Variants in LTBP1 observed in about 807,000 individuals in gnomAD.
LTBP1 encodes the protein latent-transforming growth factor beta-binding protein 1.
In LTBP1, 129 loss-of-function variants were observed where a neutral mutation model predicts 207.6. The ratio of observed to expected loss-of-function variants is 0.62; its 90% CI spans 0.54 to 0.72. The LOEUF is 0.72. LTBP1 is among the 30% of genes least tolerant of loss of function. The pLI, the probability that LTBP1 is intolerant of heterozygous loss-of-function variation, is 0.00. For missense variants in LTBP1, 2,281 were observed against 2,217.2 expected (o/e 1.03, Z -0.58); for synonymous variants, 963 against 833.7 (o/e 1.16, Z -2.67).
Position 33,246,695 on chromosome 2 carries a change from C to T in LTBP1, c.1999+2911C>T, listed in dbSNP as rs559832229. The stretch of plus-strand genomic sequence containing the variant: ...CCTGCACATGGTTATGGCCAAGGAA[C>T]AACGGGAAGCACTTTCTCTTCTTGA... On this transcript the variant is annotated intron_variant, in intron 10 of 33. Transcript: ENST00000404816. Among the ~76,000 whole-genome samples, 13 of 152,274 alleles carry T rather than the reference C, an allele frequency of 8.5e-5. No homozygotes were observed. The South Asian group carries it at 2.1e-3, about 24-fold the overall frequency.
At chr2:33,083,872 C>T (rs1005649788) in intron 3 of LTBP1, among the ~76,000 whole-genome samples, 13 of 152,180 alleles carry the variant, frequency 8.5e-5, no homozygotes, top group East Asian at 1.9e-4. Context: ...GACCACCTGA[C>T]GCACTGTCAA....
chr2:33,301,707 A>T, intron 22 of LTBP1, 63 bp downstream of exon 22: 1 of 1,413,172 alleles, frequency 7.1e-7, no homozygotes, highest in Non-Finnish European at 9.5e-7. Flanking sequence ...TCTGGGCATC[A>T]TCTCAGCCTT....
chr2:33,323,220 C>T (rs187343075), intron 24 of LTBP1, among the ~76,000 whole-genome samples: 7 of 152,156 alleles, frequency 4.6e-5, no homozygotes, highest in Admixed American at 3.3e-4. Context: ...AAAAAAAACC[C>T]GATTTTATAA....
intron 3 of LTBP1, among the ~76,000 whole-genome samples, chr2:33,071,224 C>G (rs1240282231): frequency 6.6e-6 from 1 of 152,182 alleles, no homozygotes. Context: ...GTCTTGGTTC[C>G]TCATGGCTTT....
At chr2:32,976,822 G>A (rs1348757227) in intron 2 of LTBP1, among the ~76,000 whole-genome samples, 1 of 152,228 alleles carries the variant, frequency 6.6e-6, no homozygotes, top group Admixed American at 6.5e-5. Flanking sequence ...TGACCTGAAA[G>A]TGAGGGCTCC....
At chr2:33,083,441 A>G (rs2078559091) in intron 3 of LTBP1, among the ~76,000 whole-genome samples, 1 of 152,080 alleles carries the variant, frequency 6.6e-6, no homozygotes, top group African/African-American at 2.4e-5. Context: ...TGGGAAGGTA[A>G]CAGGAAGCCT....
chr2:33,114,042 A>T (rs778282552), intron 4 of LTBP1, among the ~76,000 whole-genome samples: 1 of 152,144 alleles, frequency 6.6e-6, no homozygotes, highest in Non-Finnish European at 1.5e-5. Context: ...GGGTTTCACC[A>T]TGTTGGCCAG....
At chr2:33,348,887 G>T (rs182087657) in intron 26 of LTBP1, among the ~76,000 whole-genome samples, 1 of 152,270 alleles carries the variant, frequency 6.6e-6, no homozygotes, top group Admixed American at 6.5e-5. Context: ...ATAGCTCCTG[G>T]CAGCTTTTCC....
intron 4 of LTBP1, among the ~76,000 whole-genome samples, chr2:33,115,037 T>TATACAC (rs869158793): frequency 0.011 from 1,633 of 145,246 alleles, 10 homozygotes; most frequent in Non-Finnish European, 0.016. Context: ...AACAGATATA[T>TATACAC]ACACACACAC....
At chr2:33,306,537 T>G (rs1041818518) in intron 22 of LTBP1, among the ~76,000 whole-genome samples, 1 of 151,278 alleles carries the variant, frequency 6.6e-6, no homozygotes, top group Non-Finnish European at 1.5e-5. Context: ...GCCACTGTAC[T>G]CCGGCCTGGG....
Position 33,073,287 on chromosome 2 carries a change from T to TTG in LTBP1, c.864-37294_864-37293insGT, listed in dbSNP as rs1553394953. Among the ~76,000 whole-genome samples, 7 of 9,546 alleles carry TTG rather than the reference T, an allele frequency of 7.3e-4. No homozygotes were observed. The Admixed American group carries it at 0.024, about 32-fold the overall frequency. The allele number at this position is 9,546 out of a possible 152,430, so 6.3% of individuals were successfully genotyped here. A position where few individuals can be genotyped will look rare whatever the true frequency, so the allele number is the denominator to read the frequency against. Reference sequence around the variant, plus strand: ...GAATGATGTCACAGTGTTTTTTTTGTTTTTGTTTTTTTATTTTACCATGTA... The same window carrying TTG: ...GAATGATGTCACAGTGTTTTTTTTGTTGTTTTGTTTTTTTATTTTACCATGTA... On this transcript the variant is annotated intron_variant, in intron 3 of 33. Coordinates refer to ENST00000404816, the MANE Select transcript of LTBP1 (RefSeq NM_206943.4).
intron 3 of LTBP1, among the ~76,000 whole-genome samples, chr2:33,079,594 AGAAGGACCCATTTTTCCTTCTGT>A (rs968298477): frequency 1.3e-5 from 2 of 152,210 alleles, no homozygotes; most frequent in South Asian, 2.1e-4. Flanking sequence ...TTGTAGTAAT[AGAAGGACCCATTTTTCCTTCTGT>A]GAAGGACCCA....
chr2:33,137,159 C>T (rs1052117582), intron 5 of LTBP1, among the ~76,000 whole-genome samples: 9 of 152,014 alleles, frequency 5.9e-5, no homozygotes, highest in South Asian at 2.1e-4. Flanking sequence ...AATTCAAAAA[C>T]GTTTATGCAT....
chr2:33,064,248 A>C (rs1316445940), intron 3 of LTBP1, among the ~76,000 whole-genome samples: 1 of 152,226 alleles, frequency 6.6e-6, no homozygotes, highest in African/African-American at 2.4e-5. Context: ...ATTTATATTT[A>C]GTGACCTTGC....
chr2:33,280,107 C>T lies in LTBP1; in HGVS notation c.3061C>T (p.Gln1021Ter), dbSNP rs2093528883. 1 of 1,613,980 alleles carries T rather than the reference C, an allele frequency of 6.2e-7. No homozygotes were observed. Among genetic ancestry groups the T allele is most frequent in the African/African-American group, 1.3e-5 (1 of 74,926 alleles). ...GTGTGTGAATTCTCCTGGATCTTAC[C>T]AGTGCGTTCCCTGCACAGAAGGATT... ...EQCVNSPGSY[Q>*]CVPCTEGFRG... The change falls in exon 19 of 34, where the codon CAG (glutamine) becomes TAG (stop). Residue 1021 changes from glutamine (Q) to a stop codon, truncating the protein, a stop_gained. Transcript: ENST00000404816. LOFTEE classifies it high-confidence loss of function.
At chr2:33,279,942 G>A (rs1016946406) in intron 18 of LTBP1, 97 bp from the exon 19 acceptor site, 1 of 1,300,152 alleles carries the variant, frequency 7.7e-7, no homozygotes, top group African/African-American at 1.5e-5. Context: ...CTGAAATGTA[G>A]ATATAACATG....
At chr2:32,997,142 C>T (rs1266835469) in intron 2 of LTBP1, among the ~76,000 whole-genome samples, 1 of 152,112 alleles carries the variant, frequency 6.6e-6, no homozygotes, top group Non-Finnish European at 1.5e-5. Context: ...ACCTCGGCCT[C>T]CCAAGGTGCT....
At position 33,389,291 on chromosome 2, in the gene LTBP1, T is replaced by A. The variant is rs779455042; in HGVS notation, c.4819T>A (p.Tyr1607Asn). The A allele has an allele frequency of 6.2e-7, 1 of 1,614,216 alleles. No individual in the cohort carries two copies. Among genetic ancestry groups the A allele is most frequent in the Admixed American group, 1.7e-5 (1 of 60,028 alleles). ...SEQYTPEADP[Y>N]FIQDRFLNSF... ...ACAGTATACTCCAGAAGCCGATCCC[T>A]ACTTCATCCAAGACCGTAAGCAAAA... The change falls in exon 32 of 34, where the codon TAC (tyrosine) becomes AAC (asparagine). Residue 1607 changes from tyrosine (Y) to asparagine (N), a missense_variant. Tyr to Asn is a moderately radical substitution (Grantham distance 143). Around this residue, in one of 3 missense-constraint regions of LTBP1, gnomAD observed 1,671 missense variants for 1,634.8 expected, o/e 1.02. Transcript: ENST00000404816.
intron 15 of LTBP1, among the ~76,000 whole-genome samples, chr2:33,267,487 A>G (rs1317109892): frequency 6.6e-6 from 1 of 152,184 alleles, no homozygotes; most frequent in Non-Finnish European, 1.5e-5. Context: ...TTCTGAGGTC[A>G]TGTATGTATC....
Sources: allele counts gnomAD v4.1 joint callset (sites outside exome capture counted in the v4.1 genomes callset), GRCh38; gene constraint gnomAD v4.1.1; regional missense constraint gnomAD v4.1.1; transcripts MANE v1.5; gene names NCBI Gene and HGNC (gene_info 2026-07-23, HGNC 2026-07-21).